Variants in TTC34 observed in about 807,000 individuals in gnomAD.
TTC34 encodes tetratricopeptide repeat protein 34.
Under a neutral mutation model 40.7 loss-of-function variants are expected in TTC34, and 44 were observed. The ratio of observed to expected loss-of-function variants is 1.08; its 90% CI spans 0.85 to 1.39. TTC34 has a LOEUF of 1.39. Ranked by LOEUF, TTC34 falls within the 40% of genes most tolerant of loss-of-function variation. The probability of loss-of-function intolerance (pLI) is 0.00; values close to 1 mark genes in which losing one functional copy is unlikely to be tolerated. For synonymous variants in TTC34, 422 were observed against 398.6 expected (o/e 1.06, Z -0.70); for missense variants, 884 against 838.0 (o/e 1.05, Z -0.68).
chr1:2,790,724 A>C (rs1643653782), intron 2 of TTC34, among the ~76,000 whole-genome samples: 1 of 152,220 alleles, frequency 6.6e-6, no homozygotes, highest in Admixed American at 6.5e-5. Context: ...TTTAGGATTG[A>C]GTTTCCTCCT....
At chr1:2,655,507 T>A (rs1176534886) in intron 6 of TTC34, among the ~76,000 whole-genome samples, 9 of 140,454 alleles carry the variant, frequency 6.4e-5, no homozygotes, top group Non-Finnish European at 1.4e-4. Context: ...CAGGTGAGCA[T>A]CTGACAGGCT....
chr1:2,685,760 C>T (rs1343953628), intron 6 of TTC34, among the ~76,000 whole-genome samples: 2 of 146,014 alleles, frequency 1.4e-5, no homozygotes, highest in Admixed American at 6.8e-5. Context: ...AACCCACACC[C>T]ACAGGTGAGC....
intron 6 of TTC34, among the ~76,000 whole-genome samples, chr1:2,683,451 C>T (rs570520422): frequency 3.5e-5 from 5 of 143,440 alleles, no homozygotes; most frequent in African/African-American, 1.3e-4. Flanking sequence ...GAGCATCCGA[C>T]AGCCTGGAGC....
chr1:2,799,158 C>T (rs929472546), intron 2 of TTC34, among the ~76,000 whole-genome samples: 2 of 151,928 alleles, frequency 1.3e-5, no homozygotes, highest in African/African-American at 4.8e-5. Flanking sequence ...AGCCTCCCGG[C>T]CCCCCAGCCT....
intron 6 of TTC34, among the ~76,000 whole-genome samples, chr1:2,673,070 CT>C (rs1639758275): frequency 1.8e-5 from 1 of 55,802 alleles, no homozygotes. Context: ...GAACAGCACC[CT>C]GCACCCCCAG....
chr1:2,683,395 C>T (rs1218414708), intron 6 of TTC34, among the ~76,000 whole-genome samples: 7 of 148,092 alleles, frequency 4.7e-5, no homozygotes, highest in African/African-American at 1.0e-4. Context: ...CCCACACGCC[C>T]AGGTGAGCAT....
intron 6 of TTC34, among the ~76,000 whole-genome samples, chr1:2,652,071 G>GTC (rs1557584284): frequency 1.8e-4 from 4 of 22,144 alleles, no homozygotes; most frequent in South Asian, 2.5e-3. Context: ...ACAGCCTGGA[G>GTC]GAGCACCCAC....
At chr1:2,681,160 G>C (rs1400528496) in intron 6 of TTC34, among the ~76,000 whole-genome samples, 1 of 120,764 alleles carries the variant, frequency 8.3e-6, no homozygotes, top group African/African-American at 3.4e-5. Flanking sequence ...GTGAGCATCT[G>C]ACAACCTGGA....
At chr1:2,690,430 G>A in intron 6 of TTC34, among the ~76,000 whole-genome samples, 2 of 148,492 alleles carry the variant, frequency 1.3e-5, no homozygotes, top group African/African-American at 4.9e-5. Context: ...CCCCAGGCGA[G>A]CATCTGACAG....
rs1467423142 is a variant in TTC34, at chr1:2,641,210, TTGGGAAGGGGTGTGTGGGGAGGGC to T, written c.*134_*157del. ...TTGGGAAGGGGGGTTGTGGGGAGGG[TTGGGAAGGGGTGTGTGGGGAGGGC>T]TGGGAAGGGGGTGTGGAGAGGGCAG... On this transcript the variant is annotated 3_prime_UTR_variant, in exon 9 of 9. Transcript: ENST00000401095. 1,077 of 436,202 alleles carry T rather than the reference TTGGGAAGGGGTGTGTGGGGAGGGC, an allele frequency of 2.5e-3. 1 individual carries two copies. Among genetic ancestry groups the T allele is most frequent in the Non-Finnish European group, 2.9e-3 (949 of 322,344 alleles). The allele number at this position is 436,202 out of a possible 1,614,324, so 27.0% of individuals were successfully genotyped here. A position where few individuals can be genotyped will look rare whatever the true frequency, so the allele number is the denominator to read the frequency against.
chr1:2,768,305 C>T (rs1393196011), intron 6 of TTC34, among the ~76,000 whole-genome samples: 4 of 152,154 alleles, frequency 2.6e-5, no homozygotes, highest in African/African-American at 4.8e-5. Flanking sequence ...TTTGGATGTT[C>T]GCATGGGGGT....
chr1:2,748,933 A>G (rs1380458924), intron 6 of TTC34, among the ~76,000 whole-genome samples: 32 of 30,708 alleles, frequency 1.0e-3, no homozygotes, highest in African/African-American at 1.4e-3. Context: ...CCAGGGGAGT[A>G]TCTGACAGAC....
At chr1:2,691,844 G>A (rs1274846762) in intron 6 of TTC34, among the ~76,000 whole-genome samples, 1 of 68,812 alleles carries the variant, frequency 1.5e-5, no homozygotes, top group African/African-American at 4.6e-5. Flanking sequence ...GCATGTGATG[G>A]TCTGGAGCAG....
chr1:2,769,916 C>T (rs1457265696), intron 6 of TTC34, among the ~76,000 whole-genome samples: 3 of 54,560 alleles, frequency 5.5e-5, no homozygotes, highest in African/African-American at 3.0e-4. Flanking sequence ...CCCATACCCC[C>T]AGGTGAGATC....
At chr1:2,778,327 G>T (rs1643379333) in intron 6 of TTC34, among the ~76,000 whole-genome samples, 1 of 152,248 alleles carries the variant, frequency 6.6e-6, no homozygotes, top group African/African-American at 2.4e-5. Flanking sequence ...TGGCTGGGAA[G>T]TGCCCTCATC....
chr1:2,645,153 G>T lies in TTC34; in HGVS notation c.2497+140C>A. 1.9e-6 allele frequency: 2 copies of T among 1,064,186 alleles called. No homozygotes were observed. Among genetic ancestry groups the T allele is most frequent in the Non-Finnish European group, 2.5e-6 (2 of 798,276 alleles). The allele number at this position is 1,064,186 out of a possible 1,614,324, so 65.9% of individuals were successfully genotyped here. Reference sequence around the variant, plus strand: ...ACAGGGAGCAGGGCCAGAGGTCATGGGATTTGGGGTGGAAGGGACCTTGGA... The same window carrying T: ...ACAGGGAGCAGGGCCAGAGGTCATGTGATTTGGGGTGGAAGGGACCTTGGA... On this transcript the variant is annotated intron_variant, in intron 7 of 8. Transcript: ENST00000401095. This position sits in a 1 kb window ranked among gnomAD's most constrained non-coding sequence, Gnocchi z 4.7.
At chr1:2,699,577 CA>C (rs1641034420) in intron 6 of TTC34, among the ~76,000 whole-genome samples, 1 of 139,848 alleles carries the variant, frequency 7.2e-6, no homozygotes, top group Non-Finnish European at 1.6e-5. Context: ...CCCACACCCC[CA>C]GGTGAGCATC....
exon 3 of TTC34, chr1:2,789,774 C>G: frequency 1.8e-6 from 1 of 566,996 alleles, no homozygotes; most frequent in Non-Finnish European, 2.8e-6. Context: ...AGCGCGCGCA[C>G]ACAGCCCCCC....
intron 6 of TTC34, among the ~76,000 whole-genome samples, chr1:2,692,491 A>G (rs1342781920): frequency 1.6e-4 from 17 of 104,614 alleles, no homozygotes; most frequent in South Asian, 3.3e-4. Context: ...ACAGCCTGGA[A>G]CAGCAGCCTG....
Sources: gnomAD v4.1 joint callset for allele counts (sites outside exome capture counted in the v4.1 genomes callset) on GRCh38, gnomAD v4.1.1 for gene constraint, Gnocchi (gnomAD v3.1) non-coding constraint, MANE v1.5 for transcripts, NCBI Gene and HGNC (gene_info 2026-07-23, HGNC 2026-07-21) for gene names.